SYCP1: variants seen among roughly 807,000 people sequenced by gnomAD.
The protein encoded by SYCP1 is cancer/testis antigen 8.
In SYCP1, 64 loss-of-function variants were observed where a neutral mutation model predicts 153.1. The ratio of observed to expected loss-of-function variants is 0.42; its 90% CI spans 0.34 to 0.51. The LOEUF (loss-of-function observed/expected upper bound fraction) is 0.51. Among genes scored for constraint, SYCP1 ranks in the 20% least tolerant of loss-of-function variants. SYCP1 has a pLI of 0.06. For synonymous variants in SYCP1, 384 were observed against 341.8 expected (o/e 1.12, Z -1.36); for missense variants, 997 against 1,049.0 (o/e 0.95, Z 0.68).
intron 27 of SYCP1, among the ~76,000 whole-genome samples, chr1:114,960,258 C>T (rs1172350417): frequency 5.5e-5 from 8 of 146,092 alleles, no homozygotes; most frequent in Admixed American, 5.5e-4. Context: ...ACCTCCACCT[C>T]CTGGGTTCAA....
intron 8 of SYCP1, among the ~76,000 whole-genome samples, chr1:114,870,747 T>A (rs1181617212): frequency 6.6e-6 from 1 of 152,174 alleles, no homozygotes; most frequent in Non-Finnish European, 1.5e-5. Flanking sequence ...TTATTCTAGA[T>A]GTGATTTTAC....
chr1:114,947,230 G>T lies in SYCP1; in HGVS notation c.2248-16G>T. On this transcript the variant is annotated splice_polypyrimidine_tract_variant and intron_variant, in intron 26 of 31. Coordinates refer to ENST00000369522, the MANE Select transcript of SYCP1 (RefSeq NM_003176.4). ...ACATGGAAGCTCTTCTAAACTTCATGTTTCTTTTTCTTTAGGAGATTGAAC... is the reference window on the plus strand; with the variant it reads ...ACATGGAAGCTCTTCTAAACTTCATTTTTCTTTTTCTTTAGGAGATTGAAC... 1 of 1,594,300 alleles carries T rather than the reference G, an allele frequency of 6.3e-7. No individual in the cohort carries two copies. Among genetic ancestry groups the T allele is most frequent in the Non-Finnish European group, 8.6e-7 (1 of 1,166,954 alleles).
At chr1:114,864,322 G>A (rs979291590) in intron 8 of SYCP1, among the ~76,000 whole-genome samples, 9 of 152,104 alleles carry the variant, frequency 5.9e-5, no homozygotes, top group Non-Finnish European at 1.2e-4. Flanking sequence ...TTTTAGGAAA[G>A]AATATTTCAG....
At chr1:114,924,874 TTAAAA>T (rs1669153555) in intron 21 of SYCP1, among the ~76,000 whole-genome samples, 1 of 152,054 alleles carries the variant, frequency 6.6e-6, no homozygotes, top group Admixed American at 6.6e-5. Context: ...ATGAAGATTG[TTAAAA>T]TTATATTTAC....
intron 17 of SYCP1, among the ~76,000 whole-genome samples, chr1:114,911,103 T>C (rs1668147519): frequency 6.6e-6 from 1 of 151,948 alleles, no homozygotes; most frequent in African/African-American, 2.4e-5. Flanking sequence ...ATTATAGTTC[T>C]TATTATTTTA....
intron 27 of SYCP1, among the ~76,000 whole-genome samples, chr1:114,972,434 T>C (rs1399843303): frequency 6.6e-6 from 1 of 152,094 alleles, no homozygotes; most frequent in Non-Finnish European, 1.5e-5. Context: ...TGATCTTTAT[T>C]GTTTCTTCTA....
At chr1:114,982,577 T>C (rs1308616813) in intron 29 of SYCP1, among the ~76,000 whole-genome samples, 3 of 151,910 alleles carry the variant, frequency 2.0e-5, no homozygotes, top group African/African-American at 7.2e-5. Flanking sequence ...GATAATTTAT[T>C]TCTTTTTATT....
In SYCP1 at chr1:114,937,288, A is replaced by G. The variant is rs557483608; in HGVS notation, c.1927-7051A>G. On this transcript the variant is annotated intron_variant, in intron 23 of 31. Transcript: ENST00000369522. ...TTGACAAACCTGACAAAAACAAGAA[A>G]TGGGGAAAGGATTCCCTATTTAATA... Among the ~76,000 whole-genome samples, 157 of 152,358 alleles carry G rather than the reference A, an allele frequency of 1.0e-3. 2 individuals carry two copies. Among genetic ancestry groups the G allele is most frequent in the African/African-American group, 3.7e-3 (152 of 41,590 alleles).
chr1:114,944,296 C>A, intron 23 of SYCP1, 43 bp from the exon 24 acceptor site: 2 of 1,069,584 alleles, frequency 1.9e-6, no homozygotes, highest in South Asian at 1.4e-5. Flanking sequence ...TCAAGTAATC[C>A]ATAGCATTTA....
intron 29 of SYCP1, among the ~76,000 whole-genome samples, chr1:114,982,753 C>G (rs1013613587): frequency 3.3e-5 from 5 of 151,812 alleles, no homozygotes; most frequent in African/African-American, 1.2e-4. Flanking sequence ...TGTTCTTTTA[C>G]TTTTCTATTT....
chr1:114,959,326 G>A (rs568469873), intron 27 of SYCP1, among the ~76,000 whole-genome samples: 68 of 152,200 alleles, frequency 4.5e-4, no homozygotes, highest in Non-Finnish European at 2.6e-4. Context: ...CTTGGTCTTG[G>A]TATATAATCC....
intron 23 of SYCP1, among the ~76,000 whole-genome samples, chr1:114,935,786 A>G (rs185116989): frequency 5.6e-4 from 86 of 152,348 alleles, no homozygotes; most frequent in Admixed American, 4.0e-3. Flanking sequence ...CTCTATGCAA[A>G]TAAAGTAGAA....
intron 30 of SYCP1, among the ~76,000 whole-genome samples, chr1:114,990,187 G>A (rs1028402458): frequency 1.3e-5 from 2 of 151,776 alleles, no homozygotes. Context: ...AATAAGATAA[G>A]GAAAACTGGA....
At chr1:114,893,686 T>C (rs1162595423) in intron 15 of SYCP1, among the ~76,000 whole-genome samples, 1 of 152,194 alleles carries the variant, frequency 6.6e-6, no homozygotes, top group Non-Finnish European at 1.5e-5. Context: ...GTTGACTCTC[T>C]AAGTATAAGT....
At chr1:114,978,018 G>A (rs776189947) in intron 28 of SYCP1, among the ~76,000 whole-genome samples, 7 of 151,104 alleles carry the variant, frequency 4.6e-5, no homozygotes, top group Non-Finnish European at 8.9e-5. Context: ...GTTTTGAGGG[G>A]GCTTAATAAA....
intron 3 of SYCP1, among the ~76,000 whole-genome samples, chr1:114,856,932 A>AAC (rs1557746903): frequency 2.0e-5 from 3 of 146,770 alleles, no homozygotes; most frequent in African/African-American, 7.4e-5. Context: ...AAAAAAAAAA[A>AAC]AAAAAAAAAA....
chr1:114,866,043 T>C (rs973269363), intron 8 of SYCP1, among the ~76,000 whole-genome samples: 2 of 152,222 alleles, frequency 1.3e-5, no homozygotes, highest in African/African-American at 2.4e-5. Flanking sequence ...AATATTCCAT[T>C]CATTGTTTGC....
intron 9 of SYCP1, among the ~76,000 whole-genome samples, chr1:114,875,501 C>T (rs1398246689): frequency 6.6e-6 from 1 of 151,952 alleles, no homozygotes; most frequent in Non-Finnish European, 1.5e-5. Context: ...TCTCGTGATC[C>T]GCCCGCCTCG....
At chr1:114,973,896 TC>T (rs1672647815) in intron 27 of SYCP1, among the ~76,000 whole-genome samples, 2 of 151,968 alleles carry the variant, frequency 1.3e-5, no homozygotes, top group Non-Finnish European at 2.9e-5. Flanking sequence ...ATTATCTTTC[TC>T]TTCCTTTTGA....
Sources: allele counts gnomAD v4.1 joint callset (sites outside exome capture counted in the v4.1 genomes callset), GRCh38; gene constraint gnomAD v4.1.1; transcripts MANE v1.5; gene names NCBI Gene and HGNC (gene_info 2026-07-23, HGNC 2026-07-21).